DPYSL2: variants seen among roughly 807,000 people sequenced by gnomAD.
DPYSL2 encodes the protein dihydropyrimidinase like 2, also known as dihydropyrimidinase-related protein 2.
Under a neutral mutation model 69.9 loss-of-function variants are expected in DPYSL2, and 13 were observed. The observed-to-expected ratio is 0.19, with a 90% CI of 0.12 to 0.30. The LOEUF is 0.30. DPYSL2 is among the 10% of genes least tolerant of loss of function. The probability of loss-of-function intolerance (pLI) is 1.00; values close to 1 mark genes in which losing one functional copy is unlikely to be tolerated. For missense variants in DPYSL2, 587 were observed against 918.9 expected (o/e 0.64, Z 4.67); for synonymous variants, 326 against 359.1 (o/e 0.91, Z 1.04).
chr8:26,560,680 G>A lies in DPYSL2; in HGVS notation c.355-21289G>A, dbSNP rs1036306413. On this transcript the variant is annotated intron_variant, in intron 1 of 13. Coordinates refer to ENST00000521913, the MANE Select transcript of DPYSL2 (RefSeq NM_001197293.3). The surrounding 1 kb of genome is among the most constrained non-coding windows in gnomAD (Gnocchi z 4.4). ...AATAGAAGCATTAAAACAGTAAGCA[G>A]CCATCATTTTTGGGCAGAGGGAGAT... 6.6e-6 allele frequency among the ~76,000 whole-genome samples: 1 copy of A among 152,170 alleles called. No individual in the cohort carries two copies. Among genetic ancestry groups the A allele is most frequent in the Non-Finnish European group, 1.5e-5 (1 of 68,028 alleles).
At position 26,514,707 on chromosome 8, in the gene DPYSL2, G is replaced by C; in HGVS notation, c.354+28G>C. ...CGGTGTGGGGGTTGGGGGTGGAGACGGAGGACGGGGCGCGGGGATCGCCCC... is the reference window on the plus strand; with the variant it reads ...CGGTGTGGGGGTTGGGGGTGGAGACCGAGGACGGGGCGCGGGGATCGCCCC... On this transcript the variant is annotated intron_variant, in intron 1 of 13. Coordinates refer to ENST00000521913, the MANE Select transcript of DPYSL2 (RefSeq NM_001197293.3). The surrounding 1 kb of genome is among the most constrained non-coding windows in gnomAD (Gnocchi z 8.4). 3 of 1,350,892 alleles carry C rather than the reference G, an allele frequency of 2.2e-6. No individual in the cohort carries two copies. The highest frequency in any genetic ancestry group is 2.9e-6 in the Non-Finnish European group (3 of 1,049,994). 83.7% of individuals were successfully genotyped at this position (1,350,892 alleles called of 1,614,324 possible). A position where few individuals can be genotyped will look rare whatever the true frequency, so the allele number is the denominator to read the frequency against.
At chr8:26,541,050 A>T (rs1215695011) in intron 1 of DPYSL2, among the ~76,000 whole-genome samples, 2 of 152,180 alleles carry the variant, frequency 1.3e-5, no homozygotes, top group African/African-American at 2.4e-5. Flanking sequence ...AAGTCAAAAA[A>T]TCTTAAGTCA....
At position 26,627,389 on chromosome 8, in the gene DPYSL2, G is replaced by C; in HGVS notation, c.936+94G>C. 1 of 1,354,102 alleles carries C rather than the reference G, an allele frequency of 7.4e-7. No individual in the cohort carries two copies. Among genetic ancestry groups the C allele is most frequent in the East Asian group, 2.3e-5 (1 of 43,146 alleles). 83.9% of individuals were successfully genotyped at this position (1,354,102 alleles called of 1,614,324 possible). ...GCTGCATCTGTAGCTTAACACCAAG[G>C]TGGAAAAGCAGAGGGACCTGGTGTT... On this transcript the variant is annotated intron_variant, in intron 6 of 13. Transcript: ENST00000521913. This position sits in a 1 kb window ranked among gnomAD's most constrained non-coding sequence, Gnocchi z 6.9.
intron 1 of DPYSL2, among the ~76,000 whole-genome samples, chr8:26,549,173 A>G (rs1800832098): frequency 6.6e-6 from 1 of 151,078 alleles, no homozygotes; most frequent in Admixed American, 6.7e-5. Context: ...CAGGTGACAG[A>G]GGGAAGACTG....
In DPYSL2 at chr8:26,654,014, G is replaced by A. The variant is rs1186067300; in HGVS notation, c.1942+617G>A. The stretch of plus-strand genomic sequence containing the variant: ...GGTCCATCATAAGAAAGGACACTGT[G>A]GTATTTCAGGACTTCTCTTCTCTCC... On this transcript the variant is annotated intron_variant, in intron 13 of 13. Transcript: ENST00000521913. This position sits in a 1 kb window ranked among gnomAD's most constrained non-coding sequence, Gnocchi z 5.0. 6.6e-6 allele frequency among the ~76,000 whole-genome samples: 1 copy of A among 152,168 alleles called. No individual in the cohort carries two copies. Among genetic ancestry groups the A allele is most frequent in the Non-Finnish European group, 1.5e-5 (1 of 68,030 alleles).
chr8:26,514,599 G>C lies in DPYSL2; in HGVS notation c.274G>C (p.Glu92Gln). 2 of 1,509,034 alleles carry C rather than the reference G, an allele frequency of 1.3e-6. No homozygotes were observed. Among genetic ancestry groups the C allele is most frequent in the Non-Finnish European group, 1.8e-6 (2 of 1,135,514 alleles). The allele number at this position is 1,509,034 out of a possible 1,614,324, so 93.5% of individuals were successfully genotyped here. ...GCGGCAGGGCCGGCGCGCCGGCGGA[G>C]AGCCATCTGTTGAATCGGGCCGGAA... ...YSRQGRRAGG[E>Q]PSVESGRKVE... Residue 92 changes from glutamate to glutamine, a missense_variant, in exon 1 of 14, where the codon GAG (glutamate) becomes CAG (glutamine). Coordinates refer to ENST00000521913, the MANE Select transcript of DPYSL2 (RefSeq NM_001197293.3). The surrounding 1 kb of genome is among the most constrained non-coding windows in gnomAD (Gnocchi z 8.4).
In DPYSL2 at chr8:26,564,622, C is replaced by T. The variant is rs371727401; in HGVS notation, c.355-17347C>T. On this transcript the variant is annotated intron_variant, in intron 1 of 13. Coordinates refer to ENST00000521913, the MANE Select transcript of DPYSL2 (RefSeq NM_001197293.3). This position sits in a 1 kb window ranked among gnomAD's most constrained non-coding sequence, Gnocchi z 4.8. Reference sequence around the variant, plus strand: ...CAGCCAGACTGAGCTCATGAGAACACGATTGAGGATGACCCAGGAAGCATG... The same window carrying T: ...CAGCCAGACTGAGCTCATGAGAACATGATTGAGGATGACCCAGGAAGCATG... Among the ~76,000 whole-genome samples, 6 of 152,052 alleles carry T rather than the reference C, an allele frequency of 3.9e-5. No homozygotes were observed. Among genetic ancestry groups the T allele is most frequent in the East Asian group, 1.9e-4 (1 of 5,196 alleles).
chr8:26,522,421 T>G (rs758938374), intron 1 of DPYSL2, among the ~76,000 whole-genome samples: 5 of 152,222 alleles, frequency 3.3e-5, no homozygotes, highest in Non-Finnish European at 7.3e-5. Flanking sequence ...TCGAGGAACT[T>G]CCACACTCTT....
intron 1 of DPYSL2, among the ~76,000 whole-genome samples, chr8:26,555,513 A>C (rs917449292): frequency 4.6e-5 from 7 of 152,174 alleles, no homozygotes; most frequent in Non-Finnish European, 1.0e-4. Context: ...TAACACCAAA[A>C]AAATTAGATA....
In DPYSL2 at chr8:26,514,252, C is replaced by T; in HGVS notation, c.-74C>T. The T allele has an allele frequency of 7.7e-7, 1 of 1,296,210 alleles. No individual in the cohort carries two copies. Among genetic ancestry groups the T allele is most frequent in the Non-Finnish European group, 1.0e-6 (1 of 989,870 alleles). The allele number at this position is 1,296,210 out of a possible 1,614,324, so 80.3% of individuals were successfully genotyped here. A position where few individuals can be genotyped will look rare whatever the true frequency, so the allele number is the denominator to read the frequency against. ...CGCGGCAGCAGCTAGGGGGCTTGTG[C>T]ACACAGCGAGGGAGACTTAGGGACT... is the stretch of plus-strand genomic sequence containing the variant. On this transcript the variant is annotated 5_prime_UTR_variant, in exon 1 of 14. Coordinates refer to ENST00000521913, the MANE Select transcript of DPYSL2 (RefSeq NM_001197293.3). The surrounding 1 kb of genome is among the most constrained non-coding windows in gnomAD (Gnocchi z 8.4).
In DPYSL2 at chr8:26,522,634, G is replaced by A. The variant is rs149046558; in HGVS notation, c.354+7955G>A. Among the ~76,000 whole-genome samples the A allele has an allele frequency of 3.8e-3, 571 of 152,178 alleles. 4 individuals carry two copies. Among genetic ancestry groups the A allele is most frequent in the African/African-American group, 0.011 (470 of 41,520 alleles). On this transcript the variant is annotated intron_variant, in intron 1 of 13. Coordinates refer to ENST00000521913, the MANE Select transcript of DPYSL2 (RefSeq NM_001197293.3). ...CATCTTTTCTCCTGCTTTATGGGCC[G>A]TTTGTGTGTCTTCTTTGGAGAAATG...
At chr8:26,525,060 C>T (rs545356686) in intron 1 of DPYSL2, among the ~76,000 whole-genome samples, 28 of 152,084 alleles carry the variant, frequency 1.8e-4, no homozygotes, top group East Asian at 1.4e-3. Context: ...AATTTTTAAA[C>T]GGCTTTGATC....
intron 1 of DPYSL2, among the ~76,000 whole-genome samples, chr8:26,522,185 G>A (rs192896399): frequency 8.1e-4 from 123 of 152,236 alleles, no homozygotes; most frequent in African/African-American, 2.8e-3. Flanking sequence ...GCACACACCC[G>A]TAATCTCAGC....
At chr8:26,518,890 G>A (rs1808337870) in intron 1 of DPYSL2, among the ~76,000 whole-genome samples, 1 of 152,136 alleles carries the variant, frequency 6.6e-6, no homozygotes, top group Admixed American at 6.5e-5. Context: ...AATTAATTGT[G>A]GCAGGAAATA....
Position 26,627,778 on chromosome 8 carries a change from A to G in DPYSL2, c.937-94A>G, listed in dbSNP as rs1802653633. ...GAACGATCGGCAGTGGTAATTTTCCATCTTGCCCGGATAACTGCATGCCCG... is the reference window on the plus strand; with the variant it reads ...GAACGATCGGCAGTGGTAATTTTCCGTCTTGCCCGGATAACTGCATGCCCG... On this transcript the variant is annotated intron_variant, in intron 6 of 13. Coordinates refer to ENST00000521913, the MANE Select transcript of DPYSL2 (RefSeq NM_001197293.3). This position sits in a 1 kb window ranked among gnomAD's most constrained non-coding sequence, Gnocchi z 6.9. 5.4e-6 allele frequency: 7 copies of G among 1,298,806 alleles called. 1 individual carries two copies. The South Asian group carries it at 8.8e-5, about 16-fold the overall frequency. The allele number at this position is 1,298,806 out of a possible 1,614,324, so 80.5% of individuals were successfully genotyped here.
intron 1 of DPYSL2, among the ~76,000 whole-genome samples, chr8:26,537,153 T>A (rs1800604758): frequency 6.6e-6 from 1 of 152,290 alleles, no homozygotes; most frequent in South Asian, 2.1e-4. Flanking sequence ...TATAGGTAAT[T>A]CCTACAGAGT....
chr8:26,618,963 GA>G (rs1181929646), intron 3 of DPYSL2, among the ~76,000 whole-genome samples: 1 of 151,210 alleles, frequency 6.6e-6, no homozygotes, highest in Non-Finnish European at 1.5e-5. Flanking sequence ...CATCTCAAAA[GA>G]AAAAAAAGAA....
At chr8:26,524,938 T>C (rs941720631) in intron 1 of DPYSL2, among the ~76,000 whole-genome samples, 5 of 151,988 alleles carry the variant, frequency 3.3e-5, no homozygotes, top group South Asian at 2.1e-4. Flanking sequence ...TCCTATTGTT[T>C]GACGGTTTTC....
At position 26,654,956 on chromosome 8, in the gene DPYSL2, C is replaced by T. The variant is rs1226378165; in HGVS notation, c.1943-659C>T. ...TCCTGGGCTCAAGTGATCCTCCCAG[C>T]TCAGCCTCCCCAGTAGCTGGTACTA... On this transcript the variant is annotated intron_variant, in intron 13 of 13. Transcript: ENST00000521913. This position sits in a 1 kb window ranked among gnomAD's most constrained non-coding sequence, Gnocchi z 5.0. Among the ~76,000 whole-genome samples, 1 of 152,178 alleles carries T rather than the reference C, an allele frequency of 6.6e-6. No homozygotes were observed. Among genetic ancestry groups the T allele is most frequent in the Non-Finnish European group, 1.5e-5 (1 of 68,026 alleles).
Sources: gnomAD v4.1 joint callset for allele counts (sites outside exome capture counted in the v4.1 genomes callset) on GRCh38, gnomAD v4.1.1 for gene constraint, Gnocchi (gnomAD v3.1) non-coding constraint, MANE v1.5 for transcripts, NCBI Gene and HGNC (gene_info 2026-07-23, HGNC 2026-07-21) for gene names.